Variants in FAM13A observed in about 807,000 individuals in gnomAD.
FAM13A encodes protein FAM13A.
In FAM13A, 76 loss-of-function variants were observed where a neutral mutation model predicts 129.6. That is an observed-to-expected ratio of 0.59 (90% CI 0.49 to 0.71). FAM13A has a LOEUF of 0.71. FAM13A is among the 30% of genes least tolerant of loss of function. FAM13A has a pLI of 0.00. For synonymous variants in FAM13A, 443 were observed against 449.9 expected (o/e 0.98, Z 0.20); for missense variants, 1,108 against 1,249.3 (o/e 0.89, Z 1.70).
chr4:88,970,649 A>T (rs1379878900), intron 4 of FAM13A, among the ~76,000 whole-genome samples: 1 of 152,086 alleles, frequency 6.6e-6, no homozygotes, highest in Non-Finnish European at 1.5e-5. Context: ...AAAAGTAAAC[A>T]ACTATATATT....
At chr4:88,891,416 C>T (rs555127541) in intron 6 of FAM13A, among the ~76,000 whole-genome samples, 2 of 152,008 alleles carry the variant, frequency 1.3e-5, no homozygotes, top group East Asian at 3.9e-4. Context: ...AGAGAACCTG[C>T]CTCAAGAAAA....
intron 10 of FAM13A, 56 bp downstream of exon 10, chr4:88,787,697 A>G (rs1289838556): frequency 1.9e-6 from 3 of 1,543,720 alleles, no homozygotes; most frequent in East Asian, 4.5e-5. Context: ...ATTTGGGTGT[A>G]TATTTCTTTT....
At position 88,869,823 on chromosome 4, in the gene FAM13A, G is replaced by C. The variant is rs141499068; in HGVS notation, c.844-18640C>G. On this transcript the variant is annotated intron_variant, in intron 6 of 23. Coordinates refer to ENST00000264344, the MANE Select transcript of FAM13A (RefSeq NM_014883.4). ...CAGGCTAAATGCCTGATATGACAAA[G>C]AGATCATCAAAACAGACATGACTGC... is the stretch of plus-strand genomic sequence containing the variant. 2.0e-3 allele frequency among the ~76,000 whole-genome samples: 299 copies of C among 152,274 alleles called. 1 individual carries two copies. Among genetic ancestry groups the C allele is most frequent in the Non-Finnish European group, 2.9e-3 (194 of 68,010 alleles).
chr4:88,749,324 T>C (rs1742049963), intron 16 of FAM13A, among the ~76,000 whole-genome samples: 1 of 152,210 alleles, frequency 6.6e-6, no homozygotes, highest in Non-Finnish European at 1.5e-5. Context: ...GTTCAACCTG[T>C]AAGACGAACA....
intron 5 of FAM13A, among the ~76,000 whole-genome samples, chr4:88,928,717 G>A (rs62310499): frequency 2.6e-5 from 4 of 151,366 alleles, no homozygotes; most frequent in African/African-American, 9.7e-5. Flanking sequence ...TTTCTTGTGG[G>A]AGCATATAGT....
At chr4:89,044,860 C>A (rs1770633106) in intron 1 of FAM13A, among the ~76,000 whole-genome samples, 1 of 151,540 alleles carries the variant, frequency 6.6e-6, no homozygotes, top group Non-Finnish European at 1.5e-5. Flanking sequence ...ATACGAGATA[C>A]CTAGGCTAGG....
intron 3 of FAM13A, among the ~76,000 whole-genome samples, chr4:89,002,570 C>T (rs1414896150): frequency 6.6e-6 from 1 of 152,172 alleles, no homozygotes; most frequent in African/African-American, 2.4e-5. Context: ...TCTTCACATA[C>T]TGACATTTGG....
chr4:88,769,148 C>A (rs1020229302), intron 11 of FAM13A, among the ~76,000 whole-genome samples: 3 of 152,164 alleles, frequency 2.0e-5, no homozygotes, highest in Non-Finnish European at 4.4e-5. Flanking sequence ...TATAATAAAA[C>A]CCTTTACTAA....
intron 7 of FAM13A, among the ~76,000 whole-genome samples, chr4:88,830,228 A>G (rs555269553): frequency 1.4e-4 from 22 of 152,336 alleles, no homozygotes; most frequent in African/African-American, 5.3e-4. Context: ...TTTAAATTGT[A>G]TTCTTGATTG....
intron 4 of FAM13A, among the ~76,000 whole-genome samples, chr4:88,981,190 C>G (rs1286480377): frequency 6.6e-6 from 1 of 152,000 alleles, no homozygotes; most frequent in Non-Finnish European, 1.5e-5. Context: ...AAAATTTGAC[C>G]AAAATGACTT....
intron 4 of FAM13A, among the ~76,000 whole-genome samples, chr4:88,960,140 T>C (rs761247312): frequency 6.6e-6 from 1 of 152,200 alleles, no homozygotes; most frequent in Non-Finnish European, 1.5e-5. Context: ...TGAAGGGCAA[T>C]TCCCATGTGG....
chr4:88,804,842 A>T (rs895999533), intron 8 of FAM13A, among the ~76,000 whole-genome samples, 169 bp downstream of exon 8: 1 of 152,142 alleles, frequency 6.6e-6, no homozygotes, highest in African/African-American at 2.4e-5. Context: ...TAAAAAAAAA[A>T]TTTCTTGAAC....
chr4:88,864,270 A>G (rs1740006222), intron 6 of FAM13A, among the ~76,000 whole-genome samples: 1 of 152,238 alleles, frequency 6.6e-6, no homozygotes, highest in African/African-American at 2.4e-5. Context: ...AGAGTCATTT[A>G]CAAGATTAGT....
intron 6 of FAM13A, among the ~76,000 whole-genome samples, chr4:88,884,197 A>G (rs1165833614): frequency 7.3e-6 from 1 of 136,520 alleles, no homozygotes; most frequent in African/African-American, 2.9e-5. Flanking sequence ...CCAGGAAAGG[A>G]CATAACAAAA....
intron 5 of FAM13A, among the ~76,000 whole-genome samples, chr4:88,935,777 C>G (rs996038259): frequency 1.3e-5 from 2 of 152,114 alleles, no homozygotes; most frequent in Non-Finnish European, 2.9e-5. Flanking sequence ...CCTTTTATTA[C>G]TATGAACTCT....
chr4:88,989,419 T>C (rs1278278992), intron 4 of FAM13A, among the ~76,000 whole-genome samples: 1 of 152,034 alleles, frequency 6.6e-6, no homozygotes, highest in African/African-American at 2.4e-5. Context: ...CTGGGCAACA[T>C]GGTGAAACCC....
At chr4:88,791,804 C>G (rs971905749) in intron 8 of FAM13A, among the ~76,000 whole-genome samples, 3 of 152,026 alleles carry the variant, frequency 2.0e-5, no homozygotes, top group African/African-American at 7.2e-5. Flanking sequence ...TATATCTCAT[C>G]TCTTTCAATG....
At chr4:88,864,930 TACAGAGCATC>T (rs1740121831) in intron 6 of FAM13A, among the ~76,000 whole-genome samples, 1 of 152,160 alleles carries the variant, frequency 6.6e-6, no homozygotes, top group South Asian at 2.1e-4. Context: ...ATTAAGTGAC[TACAGAGCATC>T]ACAGGGTATT....
intron 20 of FAM13A, 31 bp from the exon 21 acceptor site, chr4:88,737,586 T>G: frequency 6.4e-7 from 1 of 1,574,638 alleles, no homozygotes; most frequent in Non-Finnish European, 8.7e-7. Flanking sequence ...TAGGTTACAT[T>G]CCGAACCCCT....
Sources: allele counts gnomAD v4.1 joint callset (sites outside exome capture counted in the v4.1 genomes callset), GRCh38; gene constraint gnomAD v4.1.1; transcripts MANE v1.5; gene names NCBI Gene and HGNC (gene_info 2026-07-23, HGNC 2026-07-21).